Variants in DNAH6 observed in about 807,000 individuals in gnomAD.
The protein encoded by DNAH6 is dynein axonemal heavy chain 6.
Under a neutral mutation model 491.4 loss-of-function variants are expected in DNAH6, and 340 were observed. The observed-to-expected ratio is 0.69, with a 90% confidence interval of 0.63 to 0.76. DNAH6 has a LOEUF of 0.76. DNAH6 is among the 30% of genes least tolerant of loss of function. The probability of loss-of-function intolerance (pLI) is 0.00; values close to 1 mark genes in which losing one functional copy is unlikely to be tolerated. For synonymous variants in DNAH6, 1,603 were observed against 1,686.1 expected (o/e 0.95, Z 1.21); for missense variants, 4,443 against 4,972.2 (o/e 0.89, Z 3.20).
intron 4 of DNAH6, among the ~76,000 whole-genome samples, chr2:84,542,646 G>A (rs934941277): frequency 6.6e-5 from 10 of 152,028 alleles, no homozygotes; most frequent in Non-Finnish European, 1.3e-4. Context: ...TTCTGGTCCC[G>A]TGTGCCATAA....
chr2:84,550,003 A>G lies in DNAH6; in HGVS notation c.1431A>G (p.Ala477=), dbSNP rs773566632. ...ACAAGCTAAAACGAACACCTTCAGC[A>G]GATGTCATTCAGAAATGGATTACTG... The part of the protein sequence containing the change: ...LTDKLKRTPS[A]DVIQKWITEE... Residue 477 remains alanine, a synonymous_variant, in exon 9 of 77, where the codon GCA becomes GCG. Transcript: ENST00000389394. 7 of 1,614,084 alleles carry G rather than the reference A, an allele frequency of 4.3e-6. No individual in the cohort carries two copies. In the South Asian group the frequency reaches 6.6e-5, roughly 15 times the overall value.
intron 29 of DNAH6, among the ~76,000 whole-genome samples, chr2:84,627,023 G>T (rs979467340): frequency 6.6e-6 from 1 of 152,150 alleles, no homozygotes; most frequent in Non-Finnish European, 1.5e-5. Context: ...TCTGACATCC[G>T]CCAAGGTGGT....
intron 7 of DNAH6, among the ~76,000 whole-genome samples, chr2:84,547,852 T>C (rs949085342): frequency 3.3e-5 from 5 of 152,202 alleles, no homozygotes; most frequent in Admixed American, 1.3e-4. Context: ...AGAATCTTGA[T>C]TAATAAGCAC....
chr2:84,483,070 C>T, the DNAH6 span, among the ~76,000 whole-genome samples: 62 of 151,980 alleles, frequency 4.1e-4, no homozygotes, highest in African/African-American at 1.4e-3. Context: ...AAGTGATCCT[C>T]CCACATCAGC....
At chr2:84,586,503 G>A (rs982514409) in intron 15 of DNAH6, among the ~76,000 whole-genome samples, 2 of 152,232 alleles carry the variant, frequency 1.3e-5, no homozygotes, top group African/African-American at 4.8e-5. Flanking sequence ...ATTTGTGGAT[G>A]TAGTTTATTC....
rs575146819 is a variant in DNAH6, at chr2:84,550,496, A to C, written c.1485+439A>C. The stretch of plus-strand genomic sequence containing the variant: ...GGCCCGGGGACTGGGGACCCCTGGC[A>C]TAGAGTATTTCATGTTATAATCAAA... On this transcript the variant is annotated intron_variant, in intron 9 of 76. Coordinates refer to ENST00000389394, the MANE Select transcript of DNAH6 (RefSeq NM_001370.2). 2.0e-5 allele frequency among the ~76,000 whole-genome samples: 3 copies of C among 152,310 alleles called. No homozygotes were observed. In the East Asian group the frequency reaches 5.8e-4, roughly 29 times the overall value.
chr2:84,627,078 T>C (rs1194259536), intron 29 of DNAH6, among the ~76,000 whole-genome samples: 2 of 152,188 alleles, frequency 1.3e-5, no homozygotes, highest in Non-Finnish European at 2.9e-5. Context: ...TCTGAGAGCG[T>C]GAACCCTGAA....
chr2:84,785,621 G>C lies in DNAH6; in HGVS notation c.10965G>C (p.Glu3655Asp). 6.5e-7 allele frequency: 1 copy of C among 1,533,912 alleles called. No homozygotes were observed. ...VLQNSVKVTNEPPKGLRANIR... is the reference protein window; with the variant it reads ...VLQNSVKVTNDPPKGLRANIR... Reference sequence around the variant, plus strand: ...CTATCTAAATCCAGGTGACCAATGAGCCTCCAAAAGGCTTACGTGCAAATA... The same window carrying C: ...CTATCTAAATCCAGGTGACCAATGACCCTCCAAAAGGCTTACGTGCAAATA... Residue 3655 changes from glutamate to aspartate, a missense_variant, in exon 67 of 77, where the codon GAG becomes GAC. By Grantham distance (45) the Glu-to-Asp change is conservative. Around this residue, in one of 3 missense-constraint regions of DNAH6, gnomAD observed 1,463 missense variants for 1,656.6 expected, o/e 0.88. Coordinates refer to ENST00000389394, the MANE Select transcript of DNAH6 (RefSeq NM_001370.2).
At chr2:84,758,301 G>A (rs1674238848) in intron 63 of DNAH6, among the ~76,000 whole-genome samples, 1 of 152,098 alleles carries the variant, frequency 6.6e-6, no homozygotes, top group Non-Finnish European at 1.5e-5. Context: ...GTAAACTCTT[G>A]GAACACTTTT....
At chr2:84,662,362 G>T (rs1454320179) in intron 37 of DNAH6, among the ~76,000 whole-genome samples, 2 of 152,190 alleles carry the variant, frequency 1.3e-5, no homozygotes, top group African/African-American at 4.8e-5. Context: ...GCCAAGGGAA[G>T]CCGTGACAGG....
In DNAH6 at chr2:84,697,640, A is replaced by G; in HGVS notation, c.7590A>G (p.Leu2530=). ...TGAACTCAGGTGAAGTGCCTAATTT[A>G]TTTGAAAAGGATGAACTGGAGCAGG... ...NILNSGEVPN[L]FEKDELEQVL... Residue 2530 remains leucine (L), a synonymous_variant, in exon 47 of 77, where the codon TTA becomes TTG. Coordinates refer to ENST00000389394, the MANE Select transcript of DNAH6 (RefSeq NM_001370.2). 1 of 1,552,086 alleles carries G rather than the reference A, an allele frequency of 6.4e-7. No homozygotes were observed. Among genetic ancestry groups the G allele is most frequent in the Non-Finnish European group, 8.7e-7 (1 of 1,147,046 alleles).
the DNAH6 span, among the ~76,000 whole-genome samples, chr2:84,488,166 G>T: frequency 6.6e-6 from 1 of 152,078 alleles, no homozygotes; most frequent in African/African-American, 2.4e-5. Context: ...CCAACGATGG[G>T]AATACTAGGT....
In DNAH6 at chr2:84,670,434, T is replaced by C; in HGVS notation, c.6413T>C (p.Ile2138Thr). 2 of 1,544,666 alleles carry C rather than the reference T, an allele frequency of 1.3e-6. No individual in the cohort carries two copies. Among genetic ancestry groups the C allele is most frequent in the Non-Finnish European group, 1.7e-6 (2 of 1,144,130 alleles). Residue 2138 changes from isoleucine (I) to threonine (T), a missense_variant, in exon 39 of 77, where the codon ATC becomes ACC. Physicochemically the swap from Ile to Thr is moderately conservative, Grantham distance 89 (BLOSUM62 -1). Transcript: ENST00000389394. ...AQTSSARTQE[I>T]IESKLERKRK... is the part of the protein sequence containing the mutation. ...ACTTCATCTGCAAGGACACAAGAGA[T>C]CATTGAGTCAAAACTGGAGAGAAAA... is the stretch of plus-strand genomic sequence containing the variant.
intron 49 of DNAH6, among the ~76,000 whole-genome samples, chr2:84,702,118 T>C (rs1299579716): frequency 6.6e-6 from 1 of 152,220 alleles, no homozygotes; most frequent in Non-Finnish European, 1.5e-5. Flanking sequence ...TTAAAGAACA[T>C]GTGCCAGTGG....
At chr2:84,755,126 A>T (rs956755678) in intron 63 of DNAH6, among the ~76,000 whole-genome samples, 1 of 152,238 alleles carries the variant, frequency 6.6e-6, no homozygotes, top group East Asian at 1.9e-4. Context: ...ACTTATCCCC[A>T]GTACAGCAGT....
At chr2:84,699,955 A>G (rs1050819570) in intron 48 of DNAH6, among the ~76,000 whole-genome samples, 19 of 152,216 alleles carry the variant, frequency 1.2e-4, no homozygotes, top group East Asian at 1.9e-4. Context: ...GTTATCAGCT[A>G]TCTTGACAAA....
chr2:84,529,436 A>T (rs1470276237), intron 4 of DNAH6, among the ~76,000 whole-genome samples: 1 of 152,114 alleles, frequency 6.6e-6, no homozygotes, highest in Non-Finnish European at 1.5e-5. Context: ...AGTATTACAT[A>T]TGTATTTTTG....
chr2:84,498,711 G>C, the DNAH6 span, among the ~76,000 whole-genome samples: 1 of 151,636 alleles, frequency 6.6e-6, no homozygotes, highest in Non-Finnish European at 1.5e-5. Flanking sequence ...TGCTATTCAT[G>C]TGCTACTTTT....
Position 84,548,412 on chromosome 2 carries a change from G to A in DNAH6, c.1311G>A (p.Leu437=). 3 of 1,613,482 alleles carry A rather than the reference G, an allele frequency of 1.9e-6. No homozygotes were observed. The highest frequency in any genetic ancestry group is 1.7e-6 in the Non-Finnish European group (2 of 1,179,878). Residue 437 remains leucine, a synonymous_variant, in exon 8 of 77, where the codon CTG becomes CTA. Coordinates refer to ENST00000389394, the MANE Select transcript of DNAH6 (RefSeq NM_001370.2). Reference sequence around the variant, plus strand: ...GCAAAAGGCATTATTGCATGAGGCTGACGTGGTAAGATTATTCTCATTTTC... The same window carrying A: ...GCAAAAGGCATTATTGCATGAGGCTAACGTGGTAAGATTATTCTCATTTTC... ...QASKRHYCMR[L]TCFIRLNDYL... is the part of the protein sequence containing the mutation.
Sources: gnomAD v4.1 joint callset for allele counts (sites outside exome capture counted in the v4.1 genomes callset) on GRCh38, gnomAD v4.1.1 for gene constraint, gnomAD v4.1.1 regional missense constraint, MANE v1.5 for transcripts, NCBI Gene and HGNC (gene_info 2026-07-23, HGNC 2026-07-21) for gene names.